SGIP1: variants seen among roughly 807,000 people sequenced by gnomAD.
SGIP1 encodes the protein SH3-containing GRB2-like protein 3-interacting protein 1.
Under a neutral mutation model 107.5 loss-of-function variants are expected in SGIP1, and 38 were observed. The ratio of observed to expected loss-of-function variants is 0.35; its 90% CI spans 0.27 to 0.46. SGIP1 has a LOEUF of 0.46. Among genes scored for constraint, SGIP1 ranks in the 20% least tolerant of loss-of-function variants. The pLI is 1.00. For missense variants in SGIP1, 929 were observed against 1,019.5 expected, an observed-to-expected ratio of 0.91 and a Z score of 1.21; for synonymous variants, 365 against 366.1, an observed-to-expected ratio of 1.00 and a Z score of 0.03.
At chr1:66,591,790 C>G (rs2063681338) in intron 1 of SGIP1, among the ~76,000 whole-genome samples, 1 of 152,106 alleles carries the variant, frequency 6.6e-6, no homozygotes, top group African/African-American at 2.4e-5. Context: ...TGTGGCAGGA[C>G]TATAGGGTAA....
Position 66,659,988 on chromosome 1 carries a change from AAGAAAGAAAGAC to A in SGIP1, c.460-521_460-510del, listed in dbSNP as rs1222732651. The A allele has an allele frequency of 8.7e-3, 666 of 76,462 alleles. 44 individuals carry two copies. The highest frequency in any genetic ancestry group is 0.043 in the African/African-American group (587 of 13,570). The allele number at this position is 76,462 out of a possible 1,614,324, so 4.7% of individuals were successfully genotyped here. On this transcript the variant is annotated intron_variant, in intron 7 of 24. Coordinates refer to ENST00000371037, the MANE Select transcript of SGIP1 (RefSeq NM_032291.4). ...AAAGAAAGAAAGAAAGAAAGAAAGA[AAGAAAGAAAGAC>A]AGACAGACAGACAGACAGGAAGGAA...
chr1:66,568,092 G>C (rs909944262), intron 1 of SGIP1, among the ~76,000 whole-genome samples: 1 of 152,078 alleles, frequency 6.6e-6, no homozygotes, highest in African/African-American at 2.4e-5. Flanking sequence ...AATTACTTTG[G>C]GTAGTATGGC....
intron 1 of SGIP1, among the ~76,000 whole-genome samples, chr1:66,543,281 CT>C (rs796656657): frequency 6.6e-5 from 10 of 152,006 alleles, no homozygotes; most frequent in African/African-American, 9.6e-5. Context: ...AACAAAAGCC[CT>C]TTTTTTTCCC....
intron 1 of SGIP1, among the ~76,000 whole-genome samples, chr1:66,541,362 C>A (rs542105822): frequency 1.3e-5 from 2 of 152,372 alleles, no homozygotes; most frequent in African/African-American, 4.8e-5. Context: ...ATTCAGAAGT[C>A]TAGCATTCAG....
chr1:66,569,140 A>C (rs1416610779), intron 1 of SGIP1, among the ~76,000 whole-genome samples: 1 of 151,970 alleles, frequency 6.6e-6, no homozygotes, highest in Non-Finnish European at 1.5e-5. Context: ...ACAGTCTCCA[A>C]ATGGTGAAAC....
chr1:66,736,828 T>C (rs1000802581), intron 21 of SGIP1, among the ~76,000 whole-genome samples: 1 of 151,994 alleles, frequency 6.6e-6, no homozygotes, highest in African/African-American at 2.4e-5. Flanking sequence ...ATCCTCTGCT[T>C]TGGAAAACAT....
chr1:66,712,056 T>G (rs1485769176), intron 18 of SGIP1, among the ~76,000 whole-genome samples: 1 of 152,170 alleles, frequency 6.6e-6, no homozygotes, highest in Non-Finnish European at 1.5e-5. Context: ...TATCTGAATT[T>G]AAGCAGGTTA....
chr1:66,561,067 T>A (rs1321017104), intron 1 of SGIP1, among the ~76,000 whole-genome samples: 1 of 152,084 alleles, frequency 6.6e-6, no homozygotes, highest in Admixed American at 6.6e-5. Context: ...ATTGCAGCTA[T>A]TATTAACTCA....
chr1:66,665,511 G>T (rs1180284006), intron 8 of SGIP1, among the ~76,000 whole-genome samples: 1 of 152,132 alleles, frequency 6.6e-6, no homozygotes, highest in Non-Finnish European at 1.5e-5. Context: ...TGGGTCAAAT[G>T]GTATTTCTAG....
At position 66,738,771 on chromosome 1, in the gene SGIP1, C is replaced by T. The variant is rs576761345; in HGVS notation, c.2032-564C>T. Among the ~76,000 whole-genome samples, 37 of 152,288 alleles carry T rather than the reference C, an allele frequency of 2.4e-4. No homozygotes were observed. In the South Asian group the frequency reaches 7.5e-3, roughly 31 times the overall value. ...GTAATACTAACCTACCCTAGTCTAA[C>T]TCACTGGTTTGTTGTTGAAGAGCAA... On this transcript the variant is annotated intron_variant, in intron 21 of 24. Transcript: ENST00000371037.
At chr1:66,696,643 T>C (rs1271129859) in intron 18 of SGIP1, among the ~76,000 whole-genome samples, 1 of 152,212 alleles carries the variant, frequency 6.6e-6, no homozygotes, top group Non-Finnish European at 1.5e-5. Context: ...TGGGTAGTAT[T>C]AGGAAAGATG....
chr1:66,629,806 C>T (rs910209287), intron 2 of SGIP1, among the ~76,000 whole-genome samples: 21 of 152,302 alleles, frequency 1.4e-4, no homozygotes, highest in African/African-American at 5.1e-4. Context: ...TCTTCACTCC[C>T]TAACCTGGGT....
At chr1:66,646,481 T>C (rs2077693008) in intron 7 of SGIP1, among the ~76,000 whole-genome samples, 1 of 152,254 alleles carries the variant, frequency 6.6e-6, no homozygotes. Context: ...TTATGTTTCT[T>C]TTGAAGTTTT....
chr1:66,600,010 G>T (rs2065462142), intron 1 of SGIP1, among the ~76,000 whole-genome samples: 1 of 152,150 alleles, frequency 6.6e-6, no homozygotes. Flanking sequence ...TCCAATGAAT[G>T]CTGATAGAAC....
chr1:66,673,200 A>T, intron 11 of SGIP1, 81 bp from the exon 12 acceptor site: 1 of 1,418,350 alleles, frequency 7.1e-7, no homozygotes, highest in Non-Finnish European at 1.0e-6. Flanking sequence ...ACTAAGAAAA[A>T]TATGTGAAAG....
At chr1:66,695,412 G>A (rs371954900) in intron 17 of SGIP1, 22 bp from the exon 18 acceptor site, 25 of 1,613,272 alleles carry the variant, frequency 1.5e-5, no homozygotes, top group South Asian at 8.8e-5. Context: ...TTCCCATCCC[G>A]CTTCAACTCC....
At chr1:66,601,549 G>A (rs1019533935) in intron 1 of SGIP1, among the ~76,000 whole-genome samples, 2 of 152,016 alleles carry the variant, frequency 1.3e-5, no homozygotes, top group Admixed American at 6.6e-5. Flanking sequence ...GAGAGAGAGA[G>A]AGAAAAGAAT....
At chr1:66,674,058 C>T (rs1377915015) in intron 12 of SGIP1, among the ~76,000 whole-genome samples, 2 of 151,984 alleles carry the variant, frequency 1.3e-5, no homozygotes, top group African/African-American at 4.8e-5. Flanking sequence ...GGCCCAGCTG[C>T]TCGGGAGGCT....
chr1:66,662,543 AGT>A (rs1336790404), intron 8 of SGIP1, among the ~76,000 whole-genome samples: 1 of 152,248 alleles, frequency 6.6e-6, no homozygotes, highest in Non-Finnish European at 1.5e-5. Flanking sequence ...ATAGAAGAAC[AGT>A]GTGAAGGCTG....
Sources: allele counts gnomAD v4.1 joint callset (sites outside exome capture counted in the v4.1 genomes callset), GRCh38; gene constraint gnomAD v4.1.1; transcripts MANE v1.5; gene names NCBI Gene and HGNC (gene_info 2026-07-23, HGNC 2026-07-21).